CHST9: variants seen among roughly 807,000 people sequenced by gnomAD.
CHST9 encodes GalNAc-4-sulfotransferase 2.
Under a neutral mutation model 44.4 loss-of-function variants are expected in CHST9, and 41 were observed. The observed-to-expected ratio is 0.92, with a 90% CI of 0.72 to 1.20. The LOEUF is 1.20. Ranked by LOEUF, CHST9 falls within the 50% of genes most tolerant of loss-of-function variation. The probability of loss-of-function intolerance (pLI) is 0.00; values close to 1 mark genes in which losing one functional copy is unlikely to be tolerated. For missense variants in CHST9, 504 were observed against 516.5 expected, an observed-to-expected ratio of 0.98 and a Z score of 0.23; for synonymous variants, 171 against 178.4, an observed-to-expected ratio of 0.96 and a Z score of 0.33.
intron 2 of CHST9, among the ~76,000 whole-genome samples, chr18:27,072,853 T>G (rs2057856307): frequency 6.6e-6 from 1 of 152,182 alleles, no homozygotes; most frequent in South Asian, 2.1e-4. Context: ...GTTTGAGAAG[T>G]ACAATCCAAC....
At chr18:27,078,500 A>G (rs2057929093) in intron 2 of CHST9, among the ~76,000 whole-genome samples, 1 of 152,190 alleles carries the variant, frequency 6.6e-6, no homozygotes, top group Non-Finnish European at 1.5e-5. Flanking sequence ...TCTCTCACAT[A>G]TATTATAATC....
At chr18:27,183,980 CT>C (rs1567953247) in intron 1 of CHST9, among the ~76,000 whole-genome samples, 1 of 152,108 alleles carries the variant, frequency 6.6e-6, no homozygotes, top group Non-Finnish European at 1.5e-5. Flanking sequence ...AAAGAGGCCC[CT>C]GTCCTTCAAA....
intron 2 of CHST9, among the ~76,000 whole-genome samples, chr18:27,138,723 G>T (rs2143857644): frequency 6.6e-6 from 1 of 152,152 alleles, no homozygotes; most frequent in Non-Finnish European, 1.5e-5. Flanking sequence ...AATCTTCACT[G>T]CAACCCTCTG....
intron 2 of CHST9, among the ~76,000 whole-genome samples, chr18:27,110,765 A>T (rs962815778): frequency 6.6e-6 from 1 of 152,202 alleles, no homozygotes; most frequent in Non-Finnish European, 1.5e-5. Context: ...CAGCTAGAGC[A>T]TTGCTGACCT....
At chr18:26,995,845 A>C (rs1238429951) in intron 4 of CHST9, among the ~76,000 whole-genome samples, 1 of 152,204 alleles carries the variant, frequency 6.6e-6, no homozygotes, top group East Asian at 1.9e-4. Flanking sequence ...ATCTTAATGT[A>C]ATTGATTTAC....
intron 5 of CHST9, among the ~76,000 whole-genome samples, chr18:26,937,613 A>G (rs192232356): frequency 3.5e-4 from 54 of 152,310 alleles, no homozygotes; most frequent in Non-Finnish European, 6.3e-4. Context: ...CACACTGTAG[A>G]TAGCATTGGA....
intron 2 of CHST9, among the ~76,000 whole-genome samples, chr18:27,126,123 T>G (rs1598742006): frequency 1.3e-5 from 2 of 152,376 alleles, no homozygotes; most frequent in East Asian, 3.9e-4. Flanking sequence ...CTTTTCGCTC[T>G]ATGAAATCAG....
At chr18:26,953,967 A>T (rs2056286424) in intron 4 of CHST9, among the ~76,000 whole-genome samples, 1 of 152,186 alleles carries the variant, frequency 6.6e-6, no homozygotes, top group Non-Finnish European at 1.5e-5. Context: ...TGAGATTATG[A>T]ATCTATTCCT....
chr18:27,015,703 C>T (rs891372283), intron 4 of CHST9, among the ~76,000 whole-genome samples: 1 of 152,150 alleles, frequency 6.6e-6, no homozygotes, highest in African/African-American at 2.4e-5. Context: ...TAGAGGATTC[C>T]ACACATGGTT....
intron 2 of CHST9, among the ~76,000 whole-genome samples, chr18:27,078,838 A>C (rs1039073355): frequency 5.9e-5 from 9 of 152,194 alleles, no homozygotes; most frequent in African/African-American, 2.2e-4. Context: ...TCCACTTTTG[A>C]CCATCAAAGT....
chr18:26,936,206 A>G (rs1475777130), intron 5 of CHST9: 1 of 152,210 alleles, frequency 6.6e-6, no homozygotes, highest in East Asian at 1.9e-4. Context: ...TTCTTAAAAC[A>G]TAACTCTTTT....
intron 4 of CHST9, among the ~76,000 whole-genome samples, chr18:26,951,119 T>C (rs981081292): frequency 2.0e-5 from 3 of 152,214 alleles, no homozygotes; most frequent in African/African-American, 7.2e-5. Flanking sequence ...GCTCATCTTA[T>C]GATGAAGGTG....
At chr18:26,975,388 G>T (rs1410755511) in intron 4 of CHST9, among the ~76,000 whole-genome samples, 2 of 152,018 alleles carry the variant, frequency 1.3e-5, no homozygotes, top group Admixed American at 1.3e-4. Flanking sequence ...ATAATGTACA[G>T]TGTACTCCTT....
intron 5 of CHST9, among the ~76,000 whole-genome samples, chr18:26,931,863 C>A (rs1261571461): frequency 6.6e-6 from 1 of 152,126 alleles, no homozygotes; most frequent in African/African-American, 2.4e-5. Context: ...ACTTACTCAG[C>A]ATTTTATAAT....
At chr18:26,940,831 G>C (rs866824384) in intron 5 of CHST9, among the ~76,000 whole-genome samples, 1 of 152,194 alleles carries the variant, frequency 6.6e-6, no homozygotes, top group African/African-American at 2.4e-5. Flanking sequence ...CTGCAATTAA[G>C]TTAAGAGAAG....
chr18:26,950,786 G>A (rs993830588), intron 4 of CHST9, among the ~76,000 whole-genome samples: 2 of 152,142 alleles, frequency 1.3e-5, no homozygotes, highest in South Asian at 2.1e-4. Flanking sequence ...CTGCTTAGGC[G>A]ATGAGTGCAC....
intron 1 of CHST9, among the ~76,000 whole-genome samples, chr18:27,179,078 GTCTCTCTCTCTC>G (rs34391433): frequency 4.0e-5 from 6 of 150,126 alleles, no homozygotes; most frequent in African/African-American, 9.8e-5. Flanking sequence ...GTGTGATAAT[GTCTCTCTCTCTC>G]TCTCTCTCTC....
intron 2 of CHST9, among the ~76,000 whole-genome samples, chr18:27,115,386 A>G (rs1876603723): frequency 2.6e-5 from 4 of 152,228 alleles, no homozygotes; most frequent in Admixed American, 2.0e-4. Context: ...TAAGAATGGA[A>G]TAGCTGGTTC....
chr18:26,912,372 A>AACACACACACACAC lies in CHST9; in HGVS notation c.*3886_*3887insGTGTGTGTGTGTGT, dbSNP rs764771288. On this transcript the variant is annotated 3_prime_UTR_variant, in exon 6 of 6. Coordinates refer to ENST00000618847, the MANE Select transcript of CHST9 (RefSeq NM_031422.6). ...TTGAAATGTGATAACTAACTAGCTA[A>AACACACACACACAC]ATACACACACACACACACACACACA... is the stretch of plus-strand genomic sequence containing the variant. The AACACACACACACAC allele has an allele frequency of 2.1e-5, 3 of 146,204 alleles. No homozygotes were observed. The highest frequency in any genetic ancestry group is 7.6e-5 in the African/African-American group (3 of 39,322). 9.1% of individuals were successfully genotyped at this position (146,204 alleles called of 1,614,324 possible).
Sources: gnomAD v4.1 joint callset for allele counts (sites outside exome capture counted in the v4.1 genomes callset) on GRCh38, gnomAD v4.1.1 for gene constraint, MANE v1.5 for transcripts, NCBI Gene and HGNC (gene_info 2026-07-23, HGNC 2026-07-21) for gene names.